Variants in EGLN1 observed in about 807,000 individuals in gnomAD.
EGLN1 encodes egl-9 family hypoxia inducible factor 1.
EGLN1 carries 17 observed loss-of-function variants against 38.3 expected under a neutral mutation model. The observed-to-expected ratio is 0.44, with a 90% CI of 0.30 to 0.67. The LOEUF (loss-of-function observed/expected upper bound fraction) is 0.67, where lower values mean the gene tolerates loss of function less well. EGLN1 is among the 30% of genes least tolerant of loss of function. The pLI is 0.08. For missense variants in EGLN1, 477 were observed against 603.3 expected (o/e 0.79, Z 2.19); for synonymous variants, 283 against 257.5 (o/e 1.10, Z -0.95).
rs1340732404 is a variant in EGLN1 at position 231,364,167 on chromosome 1, G to A, written c.*2244C>T. 6.6e-6 allele frequency: 1 copy of A among 152,108 alleles called. No homozygotes were observed. The highest frequency in any genetic ancestry group is 2.4e-5 in the African/African-American group (1 of 41,418). 9.4% of individuals were successfully genotyped at this position (152,108 alleles called of 1,614,324 possible). On this transcript the variant is annotated 3_prime_UTR_variant, in exon 5 of 5. Coordinates refer to ENST00000366641, the MANE Select transcript of EGLN1 (RefSeq NM_022051.3). ...CCAAAAAATATACAATTTAAGACCT[G>A]TCTGGCAAGCACAACCCACAGATAG...
intron 1 of EGLN1, among the ~76,000 whole-genome samples, chr1:231,418,504 C>T (rs1538668): frequency 0.15 from 22,952 of 152,120 alleles, 2,134 homozygotes; most frequent in African/African-American, 0.25. Context: ...TGGTAGACCT[C>T]TGCCAAGTCT....
intron 1 of EGLN1, among the ~76,000 whole-genome samples, chr1:231,382,330 G>A (rs1688096788): frequency 6.6e-6 from 1 of 152,150 alleles, no homozygotes; most frequent in Admixed American, 6.5e-5. Context: ...AGAGGTTCCT[G>A]ACATTCATCC....
chr1:231,397,024 T>C (rs929398314), intron 1 of EGLN1, among the ~76,000 whole-genome samples: 1 of 152,208 alleles, frequency 6.6e-6, no homozygotes, highest in Non-Finnish European at 1.5e-5. Flanking sequence ...CCCTCCAGAA[T>C]TGCCATGCCC....
chr1:231,409,200 T>A, intron 1 of EGLN1, among the ~76,000 whole-genome samples: 1 of 150,392 alleles, frequency 6.6e-6, no homozygotes. Flanking sequence ...TTCAATAGAC[T>A]TAACTCCAAC....
intron 1 of EGLN1, among the ~76,000 whole-genome samples, chr1:231,379,152 ATTC>A (rs751641036): frequency 5.3e-5 from 8 of 152,186 alleles, no homozygotes; most frequent in African/African-American, 9.7e-5. Context: ...TTCCTTCTGT[ATTC>A]TTCTTCAATT....
At chr1:231,397,218 T>C (rs772102736) in intron 1 of EGLN1, among the ~76,000 whole-genome samples, 26 of 152,256 alleles carry the variant, frequency 1.7e-4, no homozygotes, top group Non-Finnish European at 3.1e-4. Flanking sequence ...ACAAGACATT[T>C]CTTGCAAGGC....
At chr1:231,406,877 G>A (rs756718535) in intron 1 of EGLN1, among the ~76,000 whole-genome samples, 10 of 152,098 alleles carry the variant, frequency 6.6e-5, no homozygotes, top group South Asian at 2.1e-4. Context: ...CTAAGCTATC[G>A]GAAAAGGGTG....
At chr1:231,384,966 G>T (rs902978580) in intron 1 of EGLN1, among the ~76,000 whole-genome samples, 2 of 152,158 alleles carry the variant, frequency 1.3e-5, no homozygotes, top group Admixed American at 6.5e-5. Context: ...TAGACTGAAG[G>T]CTGGCAAGAG....
At chr1:231,369,727 T>C (rs113576300) in intron 3 of EGLN1, 5,455 of 304,060 alleles carry the variant, frequency 0.018, 303 homozygotes, top group African/African-American at 0.12. Context: ...TCTAAGCCTG[T>C]GCCTCTTCTT....
chr1:231,391,009 G>A (rs1052479704), intron 1 of EGLN1, among the ~76,000 whole-genome samples: 4 of 115,934 alleles, frequency 3.5e-5, no homozygotes, highest in Admixed American at 8.8e-5. Context: ...CACCATGCCC[G>A]GCTAGTGTGC....
intron 1 of EGLN1, among the ~76,000 whole-genome samples, chr1:231,379,312 C>A (rs1260877043): frequency 6.6e-6 from 1 of 152,144 alleles, no homozygotes; most frequent in Non-Finnish European, 1.5e-5. Context: ...TACAGTAAGT[C>A]CTCACTAATA....
chr1:231,406,899 T>C (rs1165475333), intron 1 of EGLN1, among the ~76,000 whole-genome samples: 3 of 152,178 alleles, frequency 2.0e-5, no homozygotes, highest in South Asian at 2.1e-4. Context: ...TATTTTATTA[T>C]CACACATGAC....
At position 231,398,235 on chromosome 1, in the gene EGLN1, A is replaced by G. The variant is rs971809345; in HGVS notation, c.891+22763T>C. Among the ~76,000 whole-genome samples the G allele has an allele frequency of 2.6e-5, 4 of 152,258 alleles. No homozygotes were observed. The South Asian group carries it at 8.3e-4, about 32-fold the overall frequency. ...AAAGATAATTAGTTCAAGAAATACT[A>G]GAAGGAATGGTAATTTAAAAGGAAA... On this transcript the variant is annotated intron_variant, in intron 1 of 4. Coordinates refer to ENST00000366641, the MANE Select transcript of EGLN1 (RefSeq NM_022051.3).
At chr1:231,404,885 A>G (rs868296513) in intron 1 of EGLN1, among the ~76,000 whole-genome samples, 4 of 152,190 alleles carry the variant, frequency 2.6e-5, no homozygotes, top group East Asian at 1.9e-4. Context: ...ATTAAGTAAC[A>G]CAACTATCTG....
rs1306032946 is a variant in EGLN1, at chr1:231,365,092, AAC to A, written c.*1317_*1318del. ...TGGCATCACATCTGGGAAATGCCTT[AAC>A]AGATATCTGAGGAGTTACTGCACAT... On this transcript the variant is annotated 3_prime_UTR_variant, in exon 5 of 5. Transcript: ENST00000366641. 9 of 152,218 alleles carry A rather than the reference AAC, an allele frequency of 5.9e-5. No individual in the cohort carries two copies. The highest frequency in any genetic ancestry group is 1.5e-5 in the Non-Finnish European group (1 of 68,030). The allele number at this position is 152,218 out of a possible 1,614,324, so 9.4% of individuals were successfully genotyped here.
chr1:231,382,184 T>C (rs1286947787), intron 1 of EGLN1, among the ~76,000 whole-genome samples: 1 of 152,212 alleles, frequency 6.6e-6, no homozygotes, highest in Non-Finnish European at 1.5e-5. Flanking sequence ...GCACTAGGCA[T>C]GAGGATACAG....
intron 1 of EGLN1, among the ~76,000 whole-genome samples, chr1:231,377,090 A>G (rs1206477720): frequency 2.6e-5 from 4 of 152,234 alleles, no homozygotes; most frequent in African/African-American, 7.2e-5. Flanking sequence ...TGTATGAATA[A>G]AAACAACCAC....
intron 1 of EGLN1, among the ~76,000 whole-genome samples, chr1:231,403,930 T>C (rs1016753851): frequency 3.9e-5 from 6 of 152,058 alleles, no homozygotes; most frequent in African/African-American, 1.4e-4. Flanking sequence ...CTAGATATTA[T>C]ATATTTCTAT....
At chr1:231,374,567 G>A (rs999244735) in intron 1 of EGLN1, among the ~76,000 whole-genome samples, 23 of 150,586 alleles carry the variant, frequency 1.5e-4, no homozygotes, top group African/African-American at 3.9e-4. Flanking sequence ...GCTCAGGTTC[G>A]AGTGCAGTGA....
Sources: gnomAD v4.1 joint callset for allele counts (sites outside exome capture counted in the v4.1 genomes callset) on GRCh38, gnomAD v4.1.1 for gene constraint, MANE v1.5 for transcripts, NCBI Gene and HGNC (gene_info 2026-07-23, HGNC 2026-07-21) for gene names.